Variants in TCP10L observed in about 807,000 individuals in gnomAD.
TCP10L encodes T-complex protein 10A homolog 1.
Under a neutral mutation model 19.2 loss-of-function variants are expected in TCP10L, and 11 were observed. The ratio of observed to expected loss-of-function variants is 0.57; its 90% CI spans 0.36 to 0.95. The LOEUF is 0.95. Ranked by LOEUF, TCP10L falls within the 40% of genes least tolerant of loss-of-function variation. The pLI is 0.01. For missense variants in TCP10L, 247 were observed against 263.9 expected (o/e 0.94, Z 0.44); for synonymous variants, 96 against 97.2 (o/e 0.99, Z 0.07).
Position 32,582,300 on chromosome 21 carries a change from A to C in TCP10L, c.260T>G (p.Met87Arg). Residue 87 changes from methionine (M) to arginine (R), a missense_variant, in exon 3 of 5, where the codon ATG becomes AGG. Transcript: ENST00000300258. This position sits in a 1 kb window ranked among gnomAD's most constrained non-coding sequence, Gnocchi z 4.2. ...AGCTCTCAGCTTTTCTCGGAGCTCC[A>C]TGTTCTGCTCCCTCAAAGCATCTAT... ...SHIDALREQN[M>R]ELREKLRALQ... 1 of 1,614,078 alleles carries C rather than the reference A, an allele frequency of 6.2e-7. No individual in the cohort carries two copies. The highest frequency in any genetic ancestry group is 1.3e-5 in the African/African-American group (1 of 75,012).
chr21:32,584,084 C>A, intron 2 of TCP10L, 77 bp downstream of exon 2: 1 of 1,529,332 alleles, frequency 6.5e-7, no homozygotes, highest in Non-Finnish European at 8.8e-7. Flanking sequence ...AAGGGAAAGT[C>A]CAATGACGGG....
rs530853426 is a variant in TCP10L, at chr21:32,578,342, C to G, written c.498+352G>C. Among the ~76,000 whole-genome samples, 1 of 152,236 alleles carries G rather than the reference C, an allele frequency of 6.6e-6. No homozygotes were observed. The highest frequency in any genetic ancestry group is 1.5e-5 in the Non-Finnish European group (1 of 68,048). On this transcript the variant is annotated intron_variant, in intron 4 of 4. Transcript: ENST00000300258. This position sits in a 1 kb window ranked among gnomAD's most constrained non-coding sequence, Gnocchi z 4.2. ...CAGAAGCAGGGAGCACGGGAGGCTGCGAGCCCTCAGACTCACGGGTGGAGA... is the reference window on the plus strand; with the variant it reads ...CAGAAGCAGGGAGCACGGGAGGCTGGGAGCCCTCAGACTCACGGGTGGAGA...
chr21:32,582,818 C>G lies in TCP10L; in HGVS notation c.145-403G>C, dbSNP rs2038511187. 6.6e-6 allele frequency among the ~76,000 whole-genome samples: 1 copy of G among 151,980 alleles called. No individual in the cohort carries two copies. Among genetic ancestry groups the G allele is most frequent in the Non-Finnish European group, 1.5e-5 (1 of 68,006 alleles). ...ATGTTGCCCAGACTGGTCTCAAACT[C>G]CTGGGCTCAAGCAATCCACCTGCCT... On this transcript the variant is annotated intron_variant, in intron 2 of 4. Coordinates refer to ENST00000300258, the MANE Select transcript of TCP10L (RefSeq NM_144659.7). This position sits in a 1 kb window ranked among gnomAD's most constrained non-coding sequence, Gnocchi z 4.2.
In TCP10L at chr21:32,574,233, C is replaced by T. The variant is rs538217939; in HGVS notation, c.*2541G>A. The T allele has an allele frequency of 3.3e-5, 5 of 152,026 alleles. No individual in the cohort carries two copies. Among genetic ancestry groups the T allele is most frequent in the African/African-American group, 4.8e-5 (2 of 41,370 alleles). The allele number at this position is 152,026 out of a possible 1,614,324, so 9.4% of individuals were successfully genotyped here. A position where few individuals can be genotyped will look rare whatever the true frequency, so the allele number is the denominator to read the frequency against. ...GAAATATGTTTGCTATTCGTGCCTT[C>T]GAGTCTATTAATGTCAATTGAGAAC... On this transcript the variant is annotated 3_prime_UTR_variant, in exon 5 of 5. Coordinates refer to ENST00000300258, the MANE Select transcript of TCP10L (RefSeq NM_144659.7).
chr21:32,581,769 T>G (rs2038497258), intron 3 of TCP10L, among the ~76,000 whole-genome samples: 1 of 152,198 alleles, frequency 6.6e-6, no homozygotes, highest in Non-Finnish European at 1.5e-5. Flanking sequence ...GGAGTCACCC[T>G]GGGTTCAAAT....
At position 32,582,578 on chromosome 21, in the gene TCP10L, T is replaced by TGTCC; in HGVS notation, c.145-164_145-163insGGAC. On this transcript the variant is annotated intron_variant, in intron 2 of 4. Coordinates refer to ENST00000300258, the MANE Select transcript of TCP10L (RefSeq NM_144659.7). This position sits in a 1 kb window ranked among gnomAD's most constrained non-coding sequence, Gnocchi z 4.2. ...ACTACCACAGCCTTTTTCTTTCTTC[T>TGTCC]TTCTTTCCTTTCTTTCTTTCTTTTC... 1 of 638,380 alleles carries TGTCC rather than the reference T, an allele frequency of 1.6e-6. No individual in the cohort carries two copies. Among genetic ancestry groups the TGTCC allele is most frequent in the Admixed American group, 3.4e-5 (1 of 29,650 alleles). The allele number at this position is 638,380 out of a possible 1,614,324, so 39.5% of individuals were successfully genotyped here.
chr21:32,577,010 G>A, intron 4 of TCP10L, 87 bp from the exon 5 acceptor site: 5 of 1,351,164 alleles, frequency 3.7e-6, no homozygotes, highest in South Asian at 2.8e-5. Flanking sequence ...AGCTATCACA[G>A]AATGTAGATG....
At chr21:32,581,905 G>A (rs920644461) in intron 3 of TCP10L, among the ~76,000 whole-genome samples, 7 of 152,142 alleles carry the variant, frequency 4.6e-5, no homozygotes, top group Non-Finnish European at 8.8e-5. Flanking sequence ...CACAGTAAGG[G>A]TTTGCTGCTG....
At position 32,582,213 on chromosome 21, in the gene TCP10L, T is replaced by G. The variant is rs755067427; in HGVS notation, c.347A>C (p.Glu116Ala). ...KSAASPHAGQ[E>A]SHTLALEPAF... is the part of the protein sequence containing the mutation. The stretch of plus-strand genomic sequence containing the variant: ...CGCTTTTGGTACCAGAGTGTGCGAT[T>G]CTTGCCCCGCGTGTGGGGACGCTGC... The change falls in exon 3 of 5, where the codon GAA becomes GCA. Residue 116 changes from glutamate (E) to alanine (A), a missense_variant. Coordinates refer to ENST00000300258, the MANE Select transcript of TCP10L (RefSeq NM_144659.7). The surrounding 1 kb of genome is among the most constrained non-coding windows in gnomAD (Gnocchi z 4.2). 1.6e-5 allele frequency: 26 copies of G among 1,614,030 alleles called. No homozygotes were observed. The highest frequency in any genetic ancestry group is 8.5e-7 in the Non-Finnish European group (1 of 1,180,020).
In TCP10L at chr21:32,582,066, G is replaced by T; in HGVS notation, c.360+134C>A. On this transcript the variant is annotated intron_variant, in intron 3 of 4. Coordinates refer to ENST00000300258, the MANE Select transcript of TCP10L (RefSeq NM_144659.7). This position sits in a 1 kb window ranked among gnomAD's most constrained non-coding sequence, Gnocchi z 4.2. ...TTACTTACGGGAAATGGAGTTGATGGAAAGATAGCAACCCCTCCCACCACC... is the reference window on the plus strand; with the variant it reads ...TTACTTACGGGAAATGGAGTTGATGTAAAGATAGCAACCCCTCCCACCACC... The T allele has an allele frequency of 1.0e-6, 1 of 994,794 alleles. No individual in the cohort carries two copies. Among genetic ancestry groups the T allele is most frequent in the Non-Finnish European group, 1.5e-6 (1 of 663,004 alleles). The allele number at this position is 994,794 out of a possible 1,614,324, so 61.6% of individuals were successfully genotyped here.
chr21:32,579,837 C>G (rs1054346830), intron 3 of TCP10L, among the ~76,000 whole-genome samples: 1 of 151,496 alleles, frequency 6.6e-6, no homozygotes, highest in African/African-American at 2.4e-5. Flanking sequence ...TGGGTTCTCC[C>G]CACAGAAGGT....
chr21:32,574,700 T>G lies in TCP10L; in HGVS notation c.*2074A>C, dbSNP rs957484599. On this transcript the variant is annotated 3_prime_UTR_variant, in exon 5 of 5. Transcript: ENST00000300258. ...GTCTAAAAAGCAAATAAGTTAAATTTAAAAGGATAGTGTATATACATTGTG... is the reference window on the plus strand; with the variant it reads ...GTCTAAAAAGCAAATAAGTTAAATTGAAAAGGATAGTGTATATACATTGTG... 1.2e-5 allele frequency: 2 copies of G among 169,400 alleles called. No individual in the cohort carries two copies. Among genetic ancestry groups the G allele is most frequent in the African/African-American group, 4.8e-5 (2 of 41,576 alleles). The allele number at this position is 169,400 out of a possible 1,614,324, so 10.5% of individuals were successfully genotyped here. A position where few individuals can be genotyped will look rare whatever the true frequency, so the allele number is the denominator to read the frequency against.
rs562392415 is a variant in TCP10L, at chr21:32,575,592, G to A, written c.*1182C>T. On this transcript the variant is annotated 3_prime_UTR_variant, in exon 5 of 5. Coordinates refer to ENST00000300258, the MANE Select transcript of TCP10L (RefSeq NM_144659.7). ...TGCATAAGGGCCACACCTGAAGCTC[G>A]GCCACACCTGAGGCTCGGCCACCAC... 286 of 152,558 alleles carry A rather than the reference G, an allele frequency of 1.9e-3. No individual in the cohort carries two copies. Among genetic ancestry groups the A allele is most frequent in the Non-Finnish European group, 3.3e-3 (226 of 68,064 alleles). 9.5% of individuals were successfully genotyped at this position (152,558 alleles called of 1,614,324 possible).
chr21:32,576,234 C>G lies in TCP10L; in HGVS notation c.*540G>C. The G allele has an allele frequency of 1.3e-6, 2 of 1,544,096 alleles. No individual in the cohort carries two copies. The highest frequency in any genetic ancestry group is 1.8e-5 in the Admixed American group (1 of 56,750). On this transcript the variant is annotated 3_prime_UTR_variant, in exon 5 of 5. Transcript: ENST00000300258. The stretch of plus-strand genomic sequence containing the variant: ...CACCAGCTCCTCCGGCTGCTGCCAT[C>G]TGCTCCTGCAGCATGGCGGCCTGGG...
rs1601119264 is a variant in TCP10L at position 32,575,567 on chromosome 21, T to G, written c.*1207A>C. The G allele has an allele frequency of 6.6e-6, 1 of 152,538 alleles. No homozygotes were observed. Among genetic ancestry groups the G allele is most frequent in the South Asian group, 2.1e-4 (1 of 4,716 alleles). 9.4% of individuals were successfully genotyped at this position (152,538 alleles called of 1,614,324 possible). A position where few individuals can be genotyped will look rare whatever the true frequency, so the allele number is the denominator to read the frequency against. On this transcript the variant is annotated 3_prime_UTR_variant, in exon 5 of 5. Coordinates refer to ENST00000300258, the MANE Select transcript of TCP10L (RefSeq NM_144659.7). ...GTGCCCACAGGCTTGGGCTGTGCTG[T>G]GCATAAGGGCCACACCTGAAGCTCG...
chr21:32,576,850 G>T lies in TCP10L; in HGVS notation c.572C>A (p.Ser191Tyr). The change falls in exon 5 of 5, where the codon TCC (serine) becomes TAC (tyrosine). Residue 191 changes from serine to tyrosine, a missense_variant. By Grantham distance (144) the Ser-to-Tyr change is moderately radical (BLOSUM62 -2). Transcript: ENST00000300258. ...TGCTCTTCTGTCTTGACGTCTCCTG[G>T]AAAGATTTTTATCTCTATTTTCCTG... is the stretch of plus-strand genomic sequence containing the variant. ...PPQENRDKNL[S>Y]RRRQDRRATP... is the part of the protein sequence containing the mutation. 2 of 1,614,112 alleles carry T rather than the reference G, an allele frequency of 1.2e-6. No individual in the cohort carries two copies. Among genetic ancestry groups the T allele is most frequent in the Non-Finnish European group, 1.7e-6 (2 of 1,179,998 alleles).
At chr21:32,580,099 TTTTG>T (rs978393061) in intron 3 of TCP10L, among the ~76,000 whole-genome samples, 33 of 152,192 alleles carry the variant, frequency 2.2e-4, no homozygotes, top group African/African-American at 7.2e-4. Context: ...TGGCAGTTTT[TTTTG>T]TTTGTTTGTT....
chr21:32,576,642 A>G lies in TCP10L; in HGVS notation c.*132T>C, dbSNP rs2038437003. On this transcript the variant is annotated 3_prime_UTR_variant, in exon 5 of 5. Transcript: ENST00000300258. ...TATCTATAGAAACATAATTAGTTTA[A>G]TAAATTACTAGGTCTATTTTGAATA... 1.0e-6 allele frequency: 1 copy of G among 954,790 alleles called. No individual in the cohort carries two copies. The highest frequency in any genetic ancestry group is 1.6e-6 in the Non-Finnish European group (1 of 642,536). 59.1% of individuals were successfully genotyped at this position (954,790 alleles called of 1,614,324 possible).
Position 32,574,410 on chromosome 21 carries a change from G to A in TCP10L, c.*2364C>T, listed in dbSNP as rs911524755. The stretch of plus-strand genomic sequence containing the variant: ...GAAAGGCTGAACCTCAGGAAATAAA[G>A]AGACATTTGGAATCATCTTAATTTT... On this transcript the variant is annotated 3_prime_UTR_variant, in exon 5 of 5. Transcript: ENST00000300258. 6.6e-6 allele frequency among the ~76,000 whole-genome samples: 1 copy of A among 152,178 alleles called. No homozygotes were observed. Among genetic ancestry groups the A allele is most frequent in the African/African-American group, 2.4e-5 (1 of 41,450 alleles).
Sources: gnomAD v4.1 joint callset for allele counts (sites outside exome capture counted in the v4.1 genomes callset) on GRCh38, gnomAD v4.1.1 for gene constraint, Gnocchi (gnomAD v3.1) non-coding constraint, MANE v1.5 for transcripts, NCBI Gene and HGNC (gene_info 2026-07-23, HGNC 2026-07-21) for gene names.